The following DNAH11 variants were observed in gnomAD, a reference collection of about 807,000 sequenced individuals.
DNAH11 encodes dynein axonemal heavy chain 11.
In DNAH11, 442 loss-of-function variants were observed where a neutral mutation model predicts 526.0. The ratio of observed to expected loss-of-function variants is 0.84; its 90% CI spans 0.78 to 0.91. DNAH11 has a LOEUF of 0.91. Among genes scored for constraint, DNAH11 ranks in the 40% least tolerant of loss-of-function variants. The pLI is 0.00. For synonymous variants in DNAH11, 2,461 were observed against 1,935.9 expected, an observed-to-expected ratio of 1.27 and a Z score of -7.12; for missense variants, 6,989 against 5,448.7, an observed-to-expected ratio of 1.28 and a Z score of -8.90.
At position 21,624,652 on chromosome 7, in the gene DNAH11, AT is replaced by A. The variant is rs1047647308; in HGVS notation, c.4500+4580del. ...CCTGATTTTAGACAAAAAGCTTTTG[AT>A]TTTTTGCTGTTGAGTATATTAGCTG... On this transcript the variant is annotated intron_variant, in intron 25 of 81. Coordinates refer to ENST00000409508, the MANE Select transcript of DNAH11 (RefSeq NM_001277115.2). Among the ~76,000 whole-genome samples, 216 of 151,982 alleles carry A rather than the reference AT, an allele frequency of 1.4e-3. 1 individual carries two copies. Among genetic ancestry groups the A allele is most frequent in the African/African-American group, 4.9e-3 (202 of 41,458 alleles).
At chr7:21,679,994 G>T (rs765910821) in intron 30 of DNAH11, among the ~76,000 whole-genome samples, 2 of 152,134 alleles carry the variant, frequency 1.3e-5, no homozygotes, top group African/African-American at 2.4e-5. Context: ...AGCATTTTAA[G>T]ATTAAGTGCA....
chr7:21,591,435 G>T lies in DNAH11; in HGVS notation c.2525G>T (p.Arg842Met), dbSNP rs546817580. 4.4e-5 allele frequency: 71 copies of T among 1,613,852 alleles called. No individual in the cohort carries two copies. The East Asian group carries it at 1.4e-3, about 33-fold the overall frequency. ...GTGAAGGTGATCCAGCAGACCATGAGGGGCTGGGCCAGGTGCGTGCTACCT... is the reference window on the plus strand; with the variant it reads ...GTGAAGGTGATCCAGCAGACCATGATGGGCTGGGCCAGGTGCGTGCTACCT... ...KNVKVIQQTM[R>M]GWARCVLPPR... is the part of the protein sequence containing the mutation. Residue 842 changes from arginine to methionine, a missense_variant, in exon 14 of 82, where the codon AGG becomes ATG. By Grantham distance (91) the Arg-to-Met change is moderately conservative. Coordinates refer to ENST00000409508, the MANE Select transcript of DNAH11 (RefSeq NM_001277115.2).
chr7:21,581,884 A>G (rs1784321506), intron 8 of DNAH11, 21 bp from the exon 9 acceptor site: 3 of 1,480,178 alleles, frequency 2.0e-6, no homozygotes, highest in Non-Finnish European at 2.8e-6. Context: ...ATATACTAAT[A>G]TTTCACTTTG....
At position 21,600,042 on chromosome 7, in the gene DNAH11, G is replaced by A. The variant is rs776980207; in HGVS notation, c.2923G>A (p.Glu975Lys). ...GGATGGCTTCTATGATCTTGTAGAA[G>A]AAATGTTATGCAATAGTTTTAGAAT... ...AGDGFYDLVE[E>K]MLCNSFRMSA... Residue 975 changes from glutamate to lysine, a missense_variant, in exon 15 of 82, where the codon GAA (glutamate) becomes AAA (lysine). Transcript: ENST00000409508. 1 of 1,610,662 alleles carries A rather than the reference G, an allele frequency of 6.2e-7. No homozygotes were observed. The highest frequency in any genetic ancestry group is 8.5e-7 in the Non-Finnish European group (1 of 1,177,980).
intron 28 of DNAH11, among the ~76,000 whole-genome samples, chr7:21,646,309 A>G (rs1403629453): frequency 6.6e-6 from 1 of 152,208 alleles, no homozygotes; most frequent in Non-Finnish European, 1.5e-5. Context: ...TCAACAAAAT[A>G]TATGAAAAAC....
At chr7:21,750,451 T>A in intron 54 of DNAH11, 87 bp downstream of exon 54, 5 of 1,494,872 alleles carry the variant, frequency 3.3e-6, no homozygotes, top group Non-Finnish European at 3.6e-6. Context: ...ATTATGAGTT[T>A]GAATTTCAGT....
At position 21,648,144 on chromosome 7, in the gene DNAH11, C is replaced by T. The variant is rs545590383; in HGVS notation, c.4945-7688C>T. Among the ~76,000 whole-genome samples, 28 of 152,294 alleles carry T rather than the reference C, an allele frequency of 1.8e-4. No individual in the cohort carries two copies. The South Asian group carries it at 5.6e-3, about 30-fold the overall frequency. Reference sequence around the variant, plus strand: ...TATGTTATTGCTTAACCTTTCTGAACCTCAATATCCTTATATACCAAATGC... The same window carrying T: ...TATGTTATTGCTTAACCTTTCTGAATCTCAATATCCTTATATACCAAATGC... On this transcript the variant is annotated intron_variant, in intron 28 of 81. Transcript: ENST00000409508.
chr7:21,650,445 A>T (rs10260140), intron 28 of DNAH11, among the ~76,000 whole-genome samples: 87,560 of 151,590 alleles, frequency 0.58, 25,531 homozygotes, highest in Admixed American at 0.69. Flanking sequence ...ATATACTTAA[A>T]CAAAATTGTA....
At chr7:21,679,531 A>G (rs1267748826) in intron 30 of DNAH11, among the ~76,000 whole-genome samples, 6 of 152,198 alleles carry the variant, frequency 3.9e-5, no homozygotes, top group Non-Finnish European at 8.8e-5. Flanking sequence ...ATACCTCAAT[A>G]AAGCCCAGGG....
At chr7:21,722,564 T>C (rs1784920325) in intron 44 of DNAH11, among the ~76,000 whole-genome samples, 1 of 152,188 alleles carries the variant, frequency 6.6e-6, no homozygotes, top group Admixed American at 6.5e-5. Context: ...CCATAACTCA[T>C]GCCTATTATT....
intron 2 of DNAH11, among the ~76,000 whole-genome samples, chr7:21,545,668 C>T (rs1254787722): frequency 1.3e-5 from 2 of 152,178 alleles, no homozygotes; most frequent in African/African-American, 4.8e-5. Context: ...TTTTTCTCCT[C>T]TTAAAATAGA....
intron 68 of DNAH11, among the ~76,000 whole-genome samples, chr7:21,860,263 C>G (rs1394638731): frequency 1.4e-5 from 2 of 147,808 alleles, no homozygotes; most frequent in Non-Finnish European, 3.0e-5. Context: ...GATATCACCT[C>G]ACACCCATTA....
At chr7:21,900,886 T>TGACAAGCAAAAATATGACAAAACCAGA (rs1583829342) in intron 81 of DNAH11, 121 bp from the exon 82 acceptor site, 1 of 1,466,614 alleles carries the variant, frequency 6.8e-7, no homozygotes, top group East Asian at 2.3e-5. Context: ...AAAATACCAC[T>TGACAAGCAAAAATATGACAAAACCAGA]GACAAGCAAA....
intron 10 of DNAH11, 76 bp downstream of exon 10, chr7:21,588,277 G>C: frequency 6.7e-7 from 1 of 1,498,266 alleles, no homozygotes; most frequent in South Asian, 1.3e-5. Flanking sequence ...AACTCTATGT[G>C]ATTATATCTA....
chr7:21,701,358 T>G (rs1784050301), intron 36 of DNAH11, among the ~76,000 whole-genome samples: 2 of 151,314 alleles, frequency 1.3e-5, no homozygotes, highest in African/African-American at 4.9e-5. Flanking sequence ...AATGTGATCA[T>G]AGCTCACCAC....
intron 3 of DNAH11, 67 bp from the exon 4 acceptor site, chr7:21,559,536 A>G (rs1044099430): frequency 1.6e-6 from 2 of 1,286,080 alleles, no homozygotes; most frequent in Non-Finnish European, 2.1e-6. Context: ...TAAAATAACT[A>G]TTAAAGTCTA....
intron 65 of DNAH11, among the ~76,000 whole-genome samples, chr7:21,819,742 C>G (rs1025698748): frequency 1.3e-5 from 2 of 152,126 alleles, no homozygotes; most frequent in African/African-American, 2.4e-5. Flanking sequence ...TCATGATTCT[C>G]AGTATGGACG....
chr7:21,730,779 A>G (rs11977242), intron 45 of DNAH11, among the ~76,000 whole-genome samples: 3,729 of 152,288 alleles, frequency 0.024, 157 homozygotes, highest in African/African-American at 0.082. Context: ...GGTGACTGTA[A>G]TTAATAACAA....
intron 30 of DNAH11, among the ~76,000 whole-genome samples, chr7:21,670,994 TG>T (rs1417746886): frequency 2.0e-5 from 3 of 152,146 alleles, no homozygotes; most frequent in Non-Finnish European, 4.4e-5. Flanking sequence ...ATGATATCTT[TG>T]CCAGATTTTG....
Sources: gnomAD v4.1 joint callset for allele counts (sites outside exome capture counted in the v4.1 genomes callset) on GRCh38, gnomAD v4.1.1 for gene constraint, MANE v1.5 for transcripts, NCBI Gene and HGNC (gene_info 2026-07-23, HGNC 2026-07-21) for gene names.